Variants in PTK2B observed in about 807,000 individuals in gnomAD.
PTK2B encodes protein-tyrosine kinase 2-beta.
PTK2B carries 71 observed loss-of-function variants against 142.9 expected under a neutral mutation model. The observed-to-expected ratio is 0.50, with a 90% confidence interval of 0.41 to 0.61. PTK2B has a LOEUF of 0.61. Among genes scored for constraint, PTK2B ranks in the 20% least tolerant of loss-of-function variants. The pLI is 0.00. For synonymous variants in PTK2B, 519 were observed against 503.4 expected, an observed-to-expected ratio of 1.03 and a Z score of -0.42; for missense variants, 1,105 against 1,320.4, an observed-to-expected ratio of 0.84 and a Z score of 2.53.
chr8:27,385,918 A>G lies in PTK2B; in HGVS notation c.-37-11630A>G, dbSNP rs115195553. 5.9e-3 allele frequency among the ~76,000 whole-genome samples: 880 copies of G among 148,446 alleles called. 10 individuals are homozygous for G. Among genetic ancestry groups the G allele is most frequent in the African/African-American group, 0.021 (852 of 40,446 alleles). Reference sequence around the variant, plus strand: ...AAAAAAAAAAAAAAAAAAAGACAGTATCCGAGGAGGAGATAGAGATTGATG... The same window carrying G: ...AAAAAAAAAAAAAAAAAAAGACAGTGTCCGAGGAGGAGATAGAGATTGATG... On this transcript the variant is annotated intron_variant, in intron 1 of 30. Transcript: ENST00000346049.
At chr8:27,362,944 C>G (rs1213676436) in intron 1 of PTK2B, among the ~76,000 whole-genome samples, 1 of 152,228 alleles carries the variant, frequency 6.6e-6, no homozygotes, top group Non-Finnish European at 1.5e-5. Flanking sequence ...TGTCACCTCT[C>G]TGGAGCATCT....
intron 3 of PTK2B, among the ~76,000 whole-genome samples, chr8:27,315,677 A>G (rs1803079986): frequency 1.3e-5 from 2 of 152,100 alleles, no homozygotes; most frequent in African/African-American, 2.4e-5. Context: ...ATCAAAAACA[A>G]GAAGGAAGAG....
At chr8:27,458,030 A>T (rs1812255222) in intron 30 of PTK2B, among the ~76,000 whole-genome samples, 1 of 150,064 alleles carries the variant, frequency 6.7e-6, no homozygotes, top group Non-Finnish European at 1.5e-5. Context: ...AGTATGAGGT[A>T]TGAGGGGATG....
At chr8:27,452,976 C>G (rs370200138) in intron 27 of PTK2B, 138 bp from the exon 28 acceptor site, 1 of 1,012,746 alleles carries the variant, frequency 9.9e-7, no homozygotes, top group Non-Finnish European at 1.5e-6. Context: ...TTCCCCTGCC[C>G]GCTTCCTGGA....
chr8:27,386,672 G>T (rs1023195722), intron 1 of PTK2B, among the ~76,000 whole-genome samples: 7 of 152,052 alleles, frequency 4.6e-5, no homozygotes, highest in African/African-American at 1.4e-4. Flanking sequence ...ATTGGGGCTC[G>T]GTCATGTTGA....
At chr8:27,332,075 G>A (rs1433659262) in intron 1 of PTK2B, among the ~76,000 whole-genome samples, 1 of 152,222 alleles carries the variant, frequency 6.6e-6, no homozygotes, top group Non-Finnish European at 1.5e-5. Flanking sequence ...AGACAGCGGT[G>A]CCAACCAAGA....
intron 17 of PTK2B, 59 bp downstream of exon 17, chr8:27,437,555 C>A: frequency 7.2e-7 from 1 of 1,379,498 alleles, no homozygotes. Flanking sequence ...ATTCAGAGCA[C>A]AGCCCATTCC....
intron 13 of PTK2B, among the ~76,000 whole-genome samples, chr8:27,435,196 C>T (rs2132116482): frequency 6.6e-6 from 1 of 152,308 alleles, no homozygotes; most frequent in South Asian, 2.1e-4. Context: ...GGCTTTCATC[C>T]TCATTTGCAG....
Position 27,439,053 on chromosome 8 carries a change from C to G in PTK2B, c.1666C>G (p.Leu556Val), listed in dbSNP as rs759033684. The G allele has an allele frequency of 6.2e-7, 1 of 1,614,074 alleles. No homozygotes were observed. The highest frequency in any genetic ancestry group is 1.1e-5 in the South Asian group (1 of 91,082). The change falls in exon 19 of 31, where the codon CTG becomes GTG. Residue 556 changes from leucine (L) to valine (V), a missense_variant. Transcript: ENST00000346049. ...CAGGGACATTGCTGTCCGGAACATC[C>G]TGGTGGCCTCCCCTGAGTGTGTGAA... ...VHRDIAVRNI[L>V]VASPECVKLG...
At chr8:27,354,494 G>T (rs1188653468) in intron 1 of PTK2B, among the ~76,000 whole-genome samples, 2 of 152,170 alleles carry the variant, frequency 1.3e-5, no homozygotes, top group Non-Finnish European at 2.9e-5. Context: ...GCAGACAGAT[G>T]AAACAATTGA....
At chr8:27,351,060 A>G (rs1704637640) in intron 1 of PTK2B, among the ~76,000 whole-genome samples, 1 of 127,752 alleles carries the variant, frequency 7.8e-6, no homozygotes, top group Admixed American at 8.4e-5. Flanking sequence ...GAGCAGGCAC[A>G]GTGGTGCACA....
At chr8:27,447,721 A>G (rs889696783) in intron 24 of PTK2B, among the ~76,000 whole-genome samples, 5 of 152,182 alleles carry the variant, frequency 3.3e-5, no homozygotes, top group African/African-American at 1.2e-4. Context: ...TTAGTCAGGC[A>G]TGGTAGTGTG....
chr8:27,386,928 C>T (rs1219487663), intron 1 of PTK2B, among the ~76,000 whole-genome samples: 1 of 149,990 alleles, frequency 6.7e-6, no homozygotes, highest in Admixed American at 6.6e-5. Flanking sequence ...TTACATGTAT[C>T]ATAAAATATA....
At chr8:27,322,827 C>A (rs2130675258), upstream of PTK2B, 1 of 140,564 alleles carries the variant, frequency 7.1e-6, no homozygotes, top group East Asian at 1.9e-4. Flanking sequence ...CTCCAATATC[C>A]CCTGGTCTCA....
At chr8:27,335,419 C>G (rs1380581731) in intron 1 of PTK2B, among the ~76,000 whole-genome samples, 1 of 151,998 alleles carries the variant, frequency 6.6e-6, no homozygotes, top group Non-Finnish European at 1.5e-5. Flanking sequence ...ATGGAGAAAC[C>G]CCATCTGTAC....
intron 2 of PTK2B, among the ~76,000 whole-genome samples, chr8:27,408,622 C>A (rs1355843062): frequency 6.6e-6 from 1 of 152,154 alleles, no homozygotes; most frequent in Non-Finnish European, 1.5e-5. Context: ...TTTCAGTGAA[C>A]CTTTAGGAAG....
At chr8:27,414,855 A>T (rs1809302833) in intron 2 of PTK2B, among the ~76,000 whole-genome samples, 1 of 151,636 alleles carries the variant, frequency 6.6e-6, no homozygotes, top group African/African-American at 2.4e-5. Flanking sequence ...TTTGGTTACA[A>T]TCTCCTAATC....
At chr8:27,368,014 A>C (rs1806122536) in intron 1 of PTK2B, among the ~76,000 whole-genome samples, 1 of 152,230 alleles carries the variant, frequency 6.6e-6, no homozygotes, top group African/African-American at 2.4e-5. Context: ...GGCCCCACGG[A>C]ATAGGGTGCT....
intron 1 of PTK2B, among the ~76,000 whole-genome samples, chr8:27,386,495 C>T (rs555011136): frequency 2.6e-5 from 4 of 151,942 alleles, no homozygotes; most frequent in Admixed American, 6.5e-5. Context: ...TATGGTGGTT[C>T]CTTAAAGTTG....
Sources: allele counts gnomAD v4.1 joint callset (sites outside exome capture counted in the v4.1 genomes callset), GRCh38; gene constraint gnomAD v4.1.1; transcripts MANE v1.5; gene names NCBI Gene and HGNC (gene_info 2026-07-23, HGNC 2026-07-21).